SLC41A3: variants seen among roughly 807,000 people sequenced by gnomAD.
SLC41A3 encodes solute carrier family 41 member 3, also known as SLC41A1-like 2.
Under a neutral mutation model 45.4 loss-of-function variants are expected in SLC41A3, and 44 were observed. That is an observed-to-expected ratio of 0.97 (90% confidence interval 0.76 to 1.25). The LOEUF (loss-of-function observed/expected upper bound fraction) is 1.25, where lower values mean the gene tolerates loss of function less well. Ranked by LOEUF, SLC41A3 falls within the 50% of genes most tolerant of loss-of-function variation. SLC41A3 has a pLI of 0.00. For synonymous variants in SLC41A3, 256 were observed against 252.4 expected (o/e 1.01, Z -0.13); for missense variants, 550 against 600.6 (o/e 0.92, Z 0.88).
intron 5 of SLC41A3, chr3:126,025,487 G>A (rs950235169): frequency 1.3e-4 from 20 of 152,144 alleles, no homozygotes; most frequent in African/African-American, 4.6e-4. Context: ...GAAGGGGAGA[G>A]AGGACGTGGG....
Position 126,012,672 on chromosome 3 carries a change from G to A in SLC41A3, c.1048C>T (p.Leu350=). 6.2e-7 allele frequency: 1 copy of A among 1,614,210 alleles called. No homozygotes were observed. Among genetic ancestry groups the A allele is most frequent in the Non-Finnish European group, 8.5e-7 (1 of 1,180,034 alleles). ...CAGAATTTCTTCATCTGGAGGGGCA[G>A]GACGCCAGGTGCACTCCACATGTGC... ...YLHMWSAPGV[L]PLQMKKFWPN... The change falls in exon 9 of 11, where the codon CTG becomes TTG. Residue 350 remains leucine (L), a synonymous_variant. Transcript: ENST00000360370.
chr3:126,055,093 G>A (rs1046190014), intron 2 of SLC41A3, among the ~76,000 whole-genome samples: 3 of 152,162 alleles, frequency 2.0e-5, no homozygotes, highest in African/African-American at 7.2e-5. Context: ...CTCCAACTTG[G>A]ACCCAGGGGC....
At chr3:126,080,613 A>G (rs1945102252) in intron 1 of SLC41A3, among the ~76,000 whole-genome samples, 1 of 152,224 alleles carries the variant, frequency 6.6e-6, no homozygotes, top group South Asian at 2.1e-4. Flanking sequence ...TGGGAATGTA[A>G]ACTAGTTCAG....
intron 1 of SLC41A3, among the ~76,000 whole-genome samples, chr3:126,073,708 A>T (rs1944740552): frequency 6.6e-6 from 1 of 152,214 alleles, no homozygotes; most frequent in Non-Finnish European, 1.5e-5. Context: ...ACAGATAAAG[A>T]GATTGAATTA....
At chr3:126,084,062 C>A (rs1387879110) in intron 1 of SLC41A3, 31 bp downstream of exon 1, 1 of 152,056 alleles carries the variant, frequency 6.6e-6, no homozygotes, top group African/African-American at 2.4e-5. Flanking sequence ...ACCTTCCGCC[C>A]CAACCCCGCC....
chr3:126,066,709 C>T (rs1944363935), intron 2 of SLC41A3, among the ~76,000 whole-genome samples: 1 of 152,176 alleles, frequency 6.6e-6, no homozygotes, highest in African/African-American at 2.4e-5. Flanking sequence ...CGGGGTGTTG[C>T]ATAGCTTCAG....
At chr3:126,099,807 G>A (rs12497295) in intron 1 of SLC41A3, among the ~76,000 whole-genome samples, 26,084 of 152,158 alleles carry the variant, frequency 0.17, 2,369 homozygotes, top group Middle Eastern at 0.27. Context: ...TTATAACTGC[G>A]TTATAACTGA....
intron 4 of SLC41A3, among the ~76,000 whole-genome samples, chr3:126,028,719 C>T (rs1941565385): frequency 6.6e-6 from 1 of 152,236 alleles, no homozygotes; most frequent in Admixed American, 6.5e-5. Context: ...GGAAAATCTG[C>T]AGGCACTGAA....
chr3:126,071,605 A>G (rs1451259678), intron 1 of SLC41A3, among the ~76,000 whole-genome samples: 1 of 152,222 alleles, frequency 6.6e-6, no homozygotes, highest in Non-Finnish European at 1.5e-5. Flanking sequence ...AATCTTATCA[A>G]GTGCACATGG....
rs765387095 is a variant in SLC41A3, at chr3:126,012,704, G to A, written c.1016C>T (p.Thr339Ile). Reference sequence around the variant, plus strand: ...AGGTGCACTCCACATGTGCAGGTAGGTTGAGATTCGGCTGGTCTGAATGGC... The same window carrying A: ...AGGTGCACTCCACATGTGCAGGTAGATTGAGATTCGGCTGGTCTGAATGGC... Reference protein sequence around the residue: ...LVAIQTSRISTYLHMWSAPGV... With the variant: ...LVAIQTSRISIYLHMWSAPGV... Residue 339 changes from threonine to isoleucine, a missense_variant, in exon 9 of 11, where the codon ACC becomes ATC. Transcript: ENST00000360370. 4.3e-6 allele frequency: 7 copies of A among 1,614,224 alleles called. No homozygotes were observed. The East Asian group carries it at 1.6e-4, about 36-fold the overall frequency.
intron 1 of SLC41A3, among the ~76,000 whole-genome samples, chr3:126,070,678 A>G (rs1944576123): frequency 2.0e-5 from 3 of 152,162 alleles, no homozygotes; most frequent in South Asian, 2.1e-4. Flanking sequence ...AAATTAAGAG[A>G]TTTTCAGATA....
chr3:126,058,779 C>T (rs1050314744), intron 2 of SLC41A3, among the ~76,000 whole-genome samples: 1 of 152,204 alleles, frequency 6.6e-6, no homozygotes, highest in Non-Finnish European at 1.5e-5. Context: ...CGTGAGCCTC[C>T]TTCTTGCAAG....
intron 3 of SLC41A3, among the ~76,000 whole-genome samples, chr3:126,044,886 A>T (rs1942848785): frequency 9.3e-6 from 1 of 107,662 alleles, no homozygotes; most frequent in Non-Finnish European, 1.9e-5. Flanking sequence ...ACAGAGCGAG[A>T]CTCCATCTCA....
At chr3:126,047,950 G>C (rs1211345219) in intron 3 of SLC41A3, among the ~76,000 whole-genome samples, 1 of 152,122 alleles carries the variant, frequency 6.6e-6, no homozygotes, top group East Asian at 1.9e-4. Context: ...GTATCCTACA[G>C]AACTGGAGAA....
chr3:126,007,122 T>A lies in SLC41A3; in HGVS notation c.1358A>T (p.Asp453Val), dbSNP rs1939183664. ...TGCCAGGAGGCCAGTACCGAGCAGG[T>A]CCCCCAGCCCTGTAAGGTAGGGGAT... is the stretch of plus-strand genomic sequence containing the variant. ...HCIPYLTGLG[D>V]LLGTGLLALC... The change falls in exon 11 of 11, where the codon GAC becomes GTC. Residue 453 changes from aspartate to valine, a missense_variant. Asp to Val is a radical substitution (Grantham distance 152). Coordinates refer to ENST00000360370, the MANE Select transcript of SLC41A3 (RefSeq NM_017836.4). The A allele has an allele frequency of 1.9e-6, 3 of 1,614,018 alleles. No individual in the cohort carries two copies. Among genetic ancestry groups the A allele is most frequent in the Non-Finnish European group, 2.5e-6 (3 of 1,180,000 alleles).
upstream of SLC41A3, among the ~76,000 whole-genome samples, chr3:126,088,304 T>G (rs549700300): frequency 6.6e-6 from 1 of 152,250 alleles, no homozygotes. Flanking sequence ...CTTATCAGAT[T>G]GGTAGATGCT....
At chr3:126,011,107 C>T (rs1939658811) in intron 9 of SLC41A3, among the ~76,000 whole-genome samples, 1 of 152,192 alleles carries the variant, frequency 6.6e-6, no homozygotes. Context: ...ACACAGACGT[C>T]AGCATCACCT....
At position 126,097,140 on chromosome 3, in the gene SLC41A3, T is replaced by C. The variant is rs114958134; in HGVS notation, c.-79+4289A>G. On this transcript the variant is annotated intron_variant, in intron 1 of 9. Coordinates refer to the SLC41A3 transcript ENST00000508835. ...TCCCTTCTTTCCCATGATTCCTCCC[T>C]GAGGGTGGGTTTTCCTCATGCCCAG... 4.1e-3 allele frequency among the ~76,000 whole-genome samples: 625 copies of C among 152,334 alleles called. 5 individuals are homozygous for C. Among genetic ancestry groups the C allele is most frequent in the African/African-American group, 0.015 (605 of 41,578 alleles).
chr3:126,047,635 C>A (rs1201573212), intron 3 of SLC41A3, among the ~76,000 whole-genome samples: 1 of 152,102 alleles, frequency 6.6e-6, no homozygotes, highest in African/African-American at 2.4e-5. Flanking sequence ...CACGGACATT[C>A]AATGGGAAAA....
Sources: allele counts gnomAD v4.1 joint callset (sites outside exome capture counted in the v4.1 genomes callset), GRCh38; gene constraint gnomAD v4.1.1; transcripts MANE v1.5; gene names NCBI Gene and HGNC (gene_info 2026-07-23, HGNC 2026-07-21).